Variants in SUPT3H observed in about 807,000 individuals in gnomAD.
The protein encoded by SUPT3H is SPT3 homolog, SAGA and STAGA complex component.
In SUPT3H, 44 loss-of-function variants were observed where a neutral mutation model predicts 44.3. The observed-to-expected ratio is 0.99, with a 90% CI of 0.78 to 1.28. The LOEUF is 1.28. Ranked by LOEUF, SUPT3H falls within the 50% of genes most tolerant of loss-of-function variation. The pLI is 0.00. For synonymous variants in SUPT3H, 124 were observed against 125.6 expected (o/e 0.99, Z 0.09); for missense variants, 380 against 387.1 (o/e 0.98, Z 0.15).
chr6:44,990,090 T>A lies in SUPT3H; in HGVS notation c.504+13563A>T, dbSNP rs1780394500. On this transcript the variant is annotated intron_variant, in intron 6 of 10. Coordinates refer to ENST00000371459, the MANE Select transcript of SUPT3H (RefSeq NM_003599.4). ...CTTACCAAGGCCAACGTCAAGGAGC[T>A]TTGCCCTATGTTTTCTCCTAGGAGT... Among the ~76,000 whole-genome samples the A allele has an allele frequency of 2.0e-5, 3 of 152,192 alleles. No individual in the cohort carries two copies. In the South Asian group the frequency reaches 6.2e-4, roughly 32 times the overall value.
intron 2 of SUPT3H, among the ~76,000 whole-genome samples, chr6:45,164,768 C>T (rs1468149867): frequency 1.3e-5 from 2 of 152,058 alleles, no homozygotes; most frequent in African/African-American, 2.4e-5. Context: ...AAAATTCATC[C>T]CACTTTTTTC....
intron 7 of SUPT3H, among the ~76,000 whole-genome samples, chr6:44,958,694 A>G (rs9472409): frequency 0.46 from 69,326 of 151,706 alleles, 16,334 homozygotes; most frequent in Admixed American, 0.55. Context: ...AGACAAGGGA[A>G]TCATGTCTTA....
intron 9 of SUPT3H, among the ~76,000 whole-genome samples, chr6:44,950,846 ATTTATTT>A (rs1380151232): frequency 5.0e-5 from 4 of 80,534 alleles, no homozygotes; most frequent in Non-Finnish European, 1.0e-4. Context: ...ATTATTTTTT[ATTTATTT>A]TTTATTTTTT....
At chr6:45,173,043 T>C (rs1226757903) in intron 2 of SUPT3H, among the ~76,000 whole-genome samples, 2 of 152,172 alleles carry the variant, frequency 1.3e-5, no homozygotes, top group Admixed American at 6.5e-5. Flanking sequence ...AGCGTATAGA[T>C]TTCCAAGTCC....
chr6:45,368,327 A>C (rs1290255582), intron 1 of SUPT3H, among the ~76,000 whole-genome samples: 1 of 152,200 alleles, frequency 6.6e-6, no homozygotes, highest in Non-Finnish European at 1.5e-5. Context: ...AGCTAATATT[A>C]TAACACACCT....
At chr6:44,929,292 C>G (rs1770156455) in intron 10 of SUPT3H, among the ~76,000 whole-genome samples, 2 of 152,042 alleles carry the variant, frequency 1.3e-5, no homozygotes, top group Admixed American at 1.3e-4. Flanking sequence ...AGAAAGATGA[C>G]TCGCTAAAAG....
In SUPT3H at chr6:44,953,371, G is replaced by A. The variant is rs1316579272; in HGVS notation, c.740C>T (p.Ala247Val). Residue 247 changes from alanine (A) to valine (V), a missense_variant, in exon 9 of 11, where the codon GCA becomes GTA. Ala to Val is a moderately conservative substitution (Grantham distance 64, BLOSUM62 0). Coordinates refer to ENST00000371459, the MANE Select transcript of SUPT3H (RefSeq NM_003599.4). Reference sequence around the variant, plus strand: ...AATGGCATGGCTGAAGGGGTCCCCTGCCTTGGTTACCATGTCTTGCCTCAC... The same window carrying A: ...AATGGCATGGCTGAAGGGGTCCCCTACCTTGGTTACCATGTCTTGCCTCAC... Reference protein sequence around the residue: ...LLVRQDMVTKAGDPFSHAISA... With the variant: ...LLVRQDMVTKVGDPFSHAISA... The A allele has an allele frequency of 6.2e-7, 1 of 1,614,102 alleles. No individual in the cohort carries two copies. The highest frequency in any genetic ancestry group is 1.3e-5 in the African/African-American group (1 of 75,032).
At chr6:44,834,069 G>C (rs952750295) in intron 10 of SUPT3H, among the ~76,000 whole-genome samples, 2 of 152,162 alleles carry the variant, frequency 1.3e-5, no homozygotes, top group African/African-American at 4.8e-5. Context: ...AAAAGACACA[G>C]ATGCTGTAGC....
intron 1 of SUPT3H, among the ~76,000 whole-genome samples, chr6:45,371,068 A>C (rs1432195867): frequency 6.6e-6 from 1 of 152,216 alleles, no homozygotes; most frequent in Non-Finnish European, 1.5e-5. Flanking sequence ...TTAAAGAGTT[A>C]CTTAATGGTT....
At chr6:44,975,425 C>G (rs991342779) in intron 6 of SUPT3H, among the ~76,000 whole-genome samples, 12 of 152,094 alleles carry the variant, frequency 7.9e-5, no homozygotes, top group Admixed American at 3.3e-4. Flanking sequence ...ATAATGGCAT[C>G]TGCAGCAAGC....
chr6:44,845,063 T>G (rs1771637359), intron 10 of SUPT3H, among the ~76,000 whole-genome samples: 1 of 152,198 alleles, frequency 6.6e-6, no homozygotes, highest in South Asian at 2.1e-4. Context: ...GTTTTCTACA[T>G]GGCAGCACAC....
intron 3 of SUPT3H, among the ~76,000 whole-genome samples, chr6:45,077,397 T>A (rs544272925): frequency 8.0e-4 from 122 of 151,642 alleles, no homozygotes; most frequent in African/African-American, 2.7e-3. Context: ...CAGGTTGAAG[T>A]GGGAGGATCG....
intron 10 of SUPT3H, among the ~76,000 whole-genome samples, chr6:44,851,047 A>C (rs1020791400): frequency 1.3e-5 from 2 of 152,164 alleles, no homozygotes; most frequent in Non-Finnish European, 2.9e-5. Flanking sequence ...CGTGATGGAC[A>C]CTGAATTTAA....
chr6:44,860,954 T>C (rs1256318002), intron 10 of SUPT3H, among the ~76,000 whole-genome samples: 1 of 152,036 alleles, frequency 6.6e-6, no homozygotes, highest in Non-Finnish European at 1.5e-5. Context: ...AAGTTTTCTT[T>C]TGCCAATGAT....
intron 3 of SUPT3H, among the ~76,000 whole-genome samples, chr6:45,026,667 G>A (rs1030749118): frequency 4.6e-5 from 7 of 151,880 alleles, no homozygotes; most frequent in African/African-American, 1.7e-4. Flanking sequence ...AACTTTTTAA[G>A]CTTGTTTCTA....
chr6:45,218,225 T>C (rs1275755381), intron 2 of SUPT3H, among the ~76,000 whole-genome samples: 1 of 152,084 alleles, frequency 6.6e-6, no homozygotes, highest in East Asian at 1.9e-4. Context: ...ATAAGGTGAA[T>C]TTCAGAGCAA....
chr6:44,932,787 T>G, intron 9 of SUPT3H, 24 bp from the exon 10 acceptor site: 1 of 1,500,404 alleles, frequency 6.7e-7, no homozygotes, highest in South Asian at 1.2e-5. Context: ...ACACATAAAT[T>G]GTTACTAAAT....
intron 3 of SUPT3H, among the ~76,000 whole-genome samples, chr6:45,043,171 G>A (rs28589903): frequency 0.17 from 14,123 of 81,724 alleles, 1,061 homozygotes; most frequent in South Asian, 0.34. Context: ...ACACACACAC[G>A]CACACACACA....
At chr6:44,954,354 T>C (rs1774784712) in intron 8 of SUPT3H, 141 bp downstream of exon 8, 1 of 707,892 alleles carries the variant, frequency 1.4e-6, no homozygotes, top group Admixed American at 2.3e-5. Flanking sequence ...AACTAAATTT[T>C]AGAAAATGAT....
Sources: gnomAD v4.1 joint callset for allele counts (sites outside exome capture counted in the v4.1 genomes callset) on GRCh38, gnomAD v4.1.1 for gene constraint, MANE v1.5 for transcripts, NCBI Gene and HGNC (gene_info 2026-07-23, HGNC 2026-07-21) for gene names.